Variants in LRRC46 observed in about 807,000 individuals in gnomAD.
LRRC46 encodes the protein leucine rich repeat containing 46.
A neutral mutation model predicts 28.0 loss-of-function variants in LRRC46; 20 were observed. The observed-to-expected ratio is 0.71, with a 90% CI of 0.50 to 1.04. The LOEUF (loss-of-function observed/expected upper bound fraction) is 1.04. Ranked by LOEUF, LRRC46 falls within the 50% of genes least tolerant of loss-of-function variation. The probability of loss-of-function intolerance (pLI) is 0.00; values close to 1 mark genes in which losing one functional copy is unlikely to be tolerated. For missense variants in LRRC46, 315 were observed against 390.1 expected, an observed-to-expected ratio of 0.81 and a Z score of 1.62; for synonymous variants, 156 against 158.8, an observed-to-expected ratio of 0.98 and a Z score of 0.13.
intron 3 of LRRC46, 63 bp from the exon 4 acceptor site, chr17:47,835,290 C>A: frequency 6.4e-7 from 1 of 1,558,794 alleles, no homozygotes; most frequent in Non-Finnish European, 8.9e-7. Context: ...GCTTTGTCCC[C>A]GTAAAGGGCC....
intron 3 of LRRC46, 134 bp from the exon 4 acceptor site, chr17:47,835,219 G>T: frequency 1.1e-6 from 1 of 894,592 alleles, no homozygotes; most frequent in Non-Finnish European, 1.9e-6. Flanking sequence ...CCTGTTCAAG[G>T]AGTGGGGTGA....
Position 47,836,683 on chromosome 17 carries a change from C to T in LRRC46, c.596-67C>T. 2.5e-6 allele frequency: 4 copies of T among 1,578,394 alleles called. No homozygotes were observed. The highest frequency in any genetic ancestry group is 3.4e-6 in the Non-Finnish European group (4 of 1,164,772). ...GGGCCAGCCAGAGACTTCCCTGAGCCCAGGGACCCTCCTGCTGAGCCCAGG... is the reference window on the plus strand; with the variant it reads ...GGGCCAGCCAGAGACTTCCCTGAGCTCAGGGACCCTCCTGCTGAGCCCAGG... On this transcript the variant is annotated intron_variant, in intron 7 of 7. Transcript: ENST00000269025. This position sits in a 1 kb window ranked among gnomAD's most constrained non-coding sequence, Gnocchi z 5.8.
Position 47,833,551 on chromosome 17 carries a change from C to T in LRRC46, c.117-874C>T, listed in dbSNP as rs183422121. Reference sequence around the variant, plus strand: ...GCAACGTCTGCCTCCTGAGTTGAAGCGATTCTCCAGCCTCAGCCTCCCGAG... The same window carrying T: ...GCAACGTCTGCCTCCTGAGTTGAAGTGATTCTCCAGCCTCAGCCTCCCGAG... On this transcript the variant is annotated intron_variant, in intron 2 of 7. Coordinates refer to ENST00000269025, the MANE Select transcript of LRRC46 (RefSeq NM_033413.4). Among the ~76,000 whole-genome samples the T allele has an allele frequency of 5.0e-3, 747 of 150,506 alleles. 3 individuals are homozygous for T. The highest frequency in any genetic ancestry group is 7.2e-3 in the Non-Finnish European group (487 of 67,834).
chr17:47,831,822 C>A lies in LRRC46; in HGVS notation c.-168C>A. ...CTTCACATCAATTTACTGTTTTCTTCGACCTCACCCCAGCAATTTTCTCTG... is the reference window on the plus strand; with the variant it reads ...CTTCACATCAATTTACTGTTTTCTTAGACCTCACCCCAGCAATTTTCTCTG... On this transcript the variant is annotated 5_prime_UTR_variant, in exon 1 of 8. Coordinates refer to ENST00000269025, the MANE Select transcript of LRRC46 (RefSeq NM_033413.4). 1.2e-6 allele frequency: 1 copy of A among 838,072 alleles called. No homozygotes were observed. Among genetic ancestry groups the A allele is most frequent in the Non-Finnish European group, 1.9e-6 (1 of 530,304 alleles). The allele number at this position is 838,072 out of a possible 1,614,324, so 51.9% of individuals were successfully genotyped here.
At position 47,836,001 on chromosome 17, in the gene LRRC46, A is replaced by C. The variant is rs2033690378; in HGVS notation, c.383-32A>C. 3 of 1,611,146 alleles carry C rather than the reference A, an allele frequency of 1.9e-6. No homozygotes were observed. Among genetic ancestry groups the C allele is most frequent in the Non-Finnish European group, 2.5e-6 (3 of 1,177,402 alleles). On this transcript the variant is annotated intron_variant, in intron 5 of 7. Transcript: ENST00000269025. This position sits in a 1 kb window ranked among gnomAD's most constrained non-coding sequence, Gnocchi z 5.8. Reference sequence around the variant, plus strand: ...GGTCTTTTGGCTAAGATCAAGTGAGAACCCCATTTCCTCTCTCTTTGCTGT... The same window carrying C: ...GGTCTTTTGGCTAAGATCAAGTGAGCACCCCATTTCCTCTCTCTTTGCTGT...
In LRRC46 at chr17:47,836,543, G is replaced by A. The variant is rs992476510; in HGVS notation, c.595+68G>A. Reference sequence around the variant, plus strand: ...CTCTGCCCTGTGGGACATGAGGGAAGCTAAGGTGGCAGTGGCGTCCGGGGA... The same window carrying A: ...CTCTGCCCTGTGGGACATGAGGGAAACTAAGGTGGCAGTGGCGTCCGGGGA... On this transcript the variant is annotated intron_variant, in intron 7 of 7. Transcript: ENST00000269025. This position sits in a 1 kb window ranked among gnomAD's most constrained non-coding sequence, Gnocchi z 5.8. The A allele has an allele frequency of 6.3e-7, 1 of 1,578,386 alleles. No individual in the cohort carries two copies. The highest frequency in any genetic ancestry group is 8.6e-7 in the Non-Finnish European group (1 of 1,161,220).
At position 47,837,521 on chromosome 17, in the gene LRRC46, C is replaced by T. The variant is rs1011738213; in HGVS notation, c.*401C>T. 5 of 413,324 alleles carry T rather than the reference C, an allele frequency of 1.2e-5. No homozygotes were observed. Among genetic ancestry groups the T allele is most frequent in the African/African-American group, 8.5e-5 (4 of 47,138 alleles). 25.6% of individuals were successfully genotyped at this position (413,324 alleles called of 1,614,324 possible). On this transcript the variant is annotated 3_prime_UTR_variant, in exon 8 of 8. Coordinates refer to ENST00000269025, the MANE Select transcript of LRRC46 (RefSeq NM_033413.4). ...CAAGGAGCTGTGGTCCTAGTCATCC[C>T]CAACAGCAGCCAGCTCCTGTCCCCT...
intron 3 of LRRC46, chr17:47,834,743 C>G: frequency 2.2e-6 from 1 of 458,326 alleles, no homozygotes; most frequent in Non-Finnish European, 3.9e-6. Context: ...TGTGCTCCTT[C>G]CACTGTTCTT....
chr17:47,834,384 G>A (rs778576688), intron 2 of LRRC46, 41 bp from the exon 3 acceptor site: 3 of 1,413,860 alleles, frequency 2.1e-6, no homozygotes, highest in South Asian at 1.2e-5. Flanking sequence ...GAGACCACAT[G>A]AGTGGTGCTC....
In LRRC46 at chr17:47,836,707, G is replaced by A; in HGVS notation, c.596-43G>A. 6.2e-7 allele frequency: 1 copy of A among 1,601,660 alleles called. No individual in the cohort carries two copies. Among genetic ancestry groups the A allele is most frequent in the East Asian group, 2.2e-5 (1 of 44,728 alleles). On this transcript the variant is annotated intron_variant, in intron 7 of 7. Transcript: ENST00000269025. The surrounding 1 kb of genome is among the most constrained non-coding windows in gnomAD (Gnocchi z 5.8). ...CCCAGGGACCCTCCTGCTGAGCCCAGGGCTCCACCCACCCTGTACCCTCCA... is the reference window on the plus strand; with the variant it reads ...CCCAGGGACCCTCCTGCTGAGCCCAAGGCTCCACCCACCCTGTACCCTCCA...
chr17:47,834,481 C>G lies in LRRC46; in HGVS notation c.173C>G (p.Thr58Ser). Residue 58 changes from threonine to serine, a missense_variant, in exon 3 of 8, where the codon ACT (threonine) becomes AGT (serine). Transcript: ENST00000269025. ...TVRLDREGIT[T>S]IRNLEGLQNL... is the part of the protein sequence containing the mutation. ...CGCCTGGACCGGGAGGGGATTACTA[C>G]TATCAGGAACTTAGAAGGCCTCCAG... 6.2e-7 allele frequency: 1 copy of G among 1,613,882 alleles called. No individual in the cohort carries two copies.
At chr17:47,833,190 T>C (rs529419990) in intron 2 of LRRC46, among the ~76,000 whole-genome samples, 7 of 152,246 alleles carry the variant, frequency 4.6e-5, no homozygotes, top group African/African-American at 1.7e-4. Context: ...CCTTCATGGC[T>C]AATGCCTACT....
rs1258383747 is a variant in LRRC46 at position 47,836,107 on chromosome 17, G to A, written c.452+5G>A. The A allele has an allele frequency of 6.2e-7, 1 of 1,614,062 alleles. No homozygotes were observed. The highest frequency in any genetic ancestry group is 1.3e-5 in the African/African-American group (1 of 74,936). ...CACCAACCAGGATGGCTACCGGTAA[G>A]GAGTGGAGGGTGGGAAGAAAGGTCA... On this transcript the variant is annotated splice_donor_5th_base_variant and intron_variant, in intron 6 of 7. Coordinates refer to ENST00000269025, the MANE Select transcript of LRRC46 (RefSeq NM_033413.4). The surrounding 1 kb of genome is among the most constrained non-coding windows in gnomAD (Gnocchi z 5.8).
Position 47,836,739 on chromosome 17 carries a change from GC to G in LRRC46, c.596-7del. 6.2e-7 allele frequency: 1 copy of G among 1,612,464 alleles called. No homozygotes were observed. Among genetic ancestry groups the G allele is most frequent in the Non-Finnish European group, 8.5e-7 (1 of 1,179,540 alleles). On this transcript the variant is annotated splice_polypyrimidine_tract_variant and intron_variant, in intron 7 of 7. Transcript: ENST00000269025. The surrounding 1 kb of genome is among the most constrained non-coding windows in gnomAD (Gnocchi z 5.8). ...ACCCACCCTGTACCCTCCACCCCCG[GC>G]CCCTCCCAGGCTTCCTCAAGGAGCT... is the stretch of plus-strand genomic sequence containing the variant.
intron 2 of LRRC46, among the ~76,000 whole-genome samples, chr17:47,832,692 AAAAG>A (rs1261790597): frequency 6.6e-6 from 1 of 152,198 alleles, no homozygotes; most frequent in Admixed American, 6.5e-5. Flanking sequence ...AAAACAAACA[AAAAG>A]TAAAGTATTT....
rs2033639845 is a variant in LRRC46 at position 47,832,003 on chromosome 17, A to C, written c.10+4A>C. On this transcript the variant is annotated splice_donor_region_variant and intron_variant, in intron 1 of 7. Transcript: ENST00000269025. ...TTATTTTAGATCATGTCTGGAGGTG[A>C]GTAGGGAGGTGGGACGGTGGGTAGA... 6.2e-7 allele frequency: 1 copy of C among 1,613,634 alleles called. No individual in the cohort carries two copies. Among genetic ancestry groups the C allele is most frequent in the Non-Finnish European group, 8.5e-7 (1 of 1,180,006 alleles).
At chr17:47,833,703 C>T (rs1003336918) in intron 2 of LRRC46, among the ~76,000 whole-genome samples, 11 of 151,396 alleles carry the variant, frequency 7.3e-5, no homozygotes, top group African/African-American at 2.7e-4. Context: ...CCACCCACCT[C>T]GACCTCCCAA....
intron 2 of LRRC46, chr17:47,834,062 T>C (rs2033666477): frequency 1.0e-6 from 1 of 1,003,702 alleles, no homozygotes; most frequent in Non-Finnish European, 1.2e-6. Flanking sequence ...GGAAGGATCT[T>C]TCTGCAGTGT....
intron 2 of LRRC46, among the ~76,000 whole-genome samples, chr17:47,832,738 C>G (rs991869554): frequency 6.6e-6 from 1 of 152,212 alleles, no homozygotes; most frequent in Non-Finnish European, 1.5e-5. Flanking sequence ...GGGTCTTGCT[C>G]TGTTGGCCAG....
Sources: allele counts gnomAD v4.1 joint callset (sites outside exome capture counted in the v4.1 genomes callset), GRCh38; gene constraint gnomAD v4.1.1; non-coding constraint Gnocchi (gnomAD v3.1); transcripts MANE v1.5; gene names NCBI Gene and HGNC (gene_info 2026-07-23, HGNC 2026-07-21).